Variants in DIP2C observed in about 807,000 individuals in gnomAD.
DIP2C encodes the protein DIP2 acetate--CoA ligase C (putative).
Under a neutral mutation model 192.4 loss-of-function variants are expected in DIP2C, and 33 were observed. That is an observed-to-expected ratio of 0.17 (90% CI 0.13 to 0.23). DIP2C has a LOEUF of 0.23. Ranked by LOEUF, DIP2C falls within the 10% of genes least tolerant of loss-of-function variation. The pLI is 1.00. For missense variants in DIP2C, 1,537 were observed against 2,110.1 expected, an observed-to-expected ratio of 0.73 and a Z score of 5.32; for synonymous variants, 979 against 864.1, an observed-to-expected ratio of 1.13 and a Z score of -2.33.
At chr10:446,311 GTC>G (rs568932428) in intron 3 of DIP2C, among the ~76,000 whole-genome samples, 282 of 151,796 alleles carry the variant, frequency 1.9e-3, no homozygotes, top group African/African-American at 6.0e-3. Flanking sequence ...GTTGCGAAGA[GTC>G]TATCTTCCAC....
At chr10:660,765 T>A (rs953570776) in intron 1 of DIP2C, among the ~76,000 whole-genome samples, 1 of 152,134 alleles carries the variant, frequency 6.6e-6, no homozygotes, top group Admixed American at 6.5e-5. Flanking sequence ...GCATCAAGAG[T>A]CAGGTGTTCC....
At chr10:384,235 G>A in intron 15 of DIP2C, 89 bp from the exon 16 acceptor site, 4 of 1,475,678 alleles carry the variant, frequency 2.7e-6, no homozygotes, top group Non-Finnish European at 3.6e-6. Flanking sequence ...TAGTGGGGAA[G>A]GGTGAAGAAT....
At position 356,453 on chromosome 10, in the gene DIP2C, G is replaced by C; in HGVS notation, c.2958C>G (p.His986Gln). ...LQWRAQTTPD[H>Q]ILYTLLNCRG... ...GACAGTTGAGCAGCGTGTAGAGGAT[G>C]TGGTCCGGGGTGGTCTGTGCTCTCC... is the stretch of plus-strand genomic sequence containing the variant. Residue 986 changes from histidine to glutamine, a missense_variant, in exon 24 of 37, where the codon CAC becomes CAG. Coordinates refer to ENST00000280886, the MANE Select transcript of DIP2C (RefSeq NM_014974.3). The C allele has an allele frequency of 6.2e-7, 1 of 1,611,978 alleles. No homozygotes were observed. Among genetic ancestry groups the C allele is most frequent in the Non-Finnish European group, 8.5e-7 (1 of 1,179,972 alleles).
intron 2 of DIP2C, among the ~76,000 whole-genome samples, chr10:478,767 G>A (rs147001155): frequency 4.0e-5 from 6 of 151,514 alleles, no homozygotes; most frequent in Non-Finnish European, 7.4e-5. Flanking sequence ...CTCACTCATC[G>A]CGTGTCCAGG....
At chr10:352,605 G>C (rs1958877056) in intron 24 of DIP2C, among the ~76,000 whole-genome samples, 1 of 152,172 alleles carries the variant, frequency 6.6e-6, no homozygotes, top group African/African-American at 2.4e-5. Flanking sequence ...CTCGCTCCAT[G>C]GCCAGGCAGG....
At chr10:642,870 T>C (rs1277584724) in intron 1 of DIP2C, among the ~76,000 whole-genome samples, 1 of 152,208 alleles carries the variant, frequency 6.6e-6, no homozygotes, top group African/African-American at 2.4e-5. Context: ...TGAGTGGTCC[T>C]CCAGAAAGAG....
Position 486,444 on chromosome 10 carries a change from A to T in DIP2C, c.157+15T>A, listed in dbSNP as rs1207882353. ...GGAAATGAGAGGACTCATGCTACTC[A>T]TGGGGGTTACCTACTCGGAGGCTGC... On this transcript the variant is annotated intron_variant, in intron 2 of 36. Coordinates refer to ENST00000280886, the MANE Select transcript of DIP2C (RefSeq NM_014974.3). The T allele has an allele frequency of 1.3e-6, 2 of 1,593,312 alleles. No individual in the cohort carries two copies. The highest frequency in any genetic ancestry group is 8.5e-7 in the Non-Finnish European group (1 of 1,170,582).
At chr10:295,940 A>G (rs900810543) in intron 32 of DIP2C, among the ~76,000 whole-genome samples, 2 of 152,164 alleles carry the variant, frequency 1.3e-5, no homozygotes, top group Non-Finnish European at 2.9e-5. Context: ...GTCTGTTCAT[A>G]TCCTTCGCCC....
chr10:387,327 C>G (rs1423689453), intron 14 of DIP2C, among the ~76,000 whole-genome samples: 3 of 152,210 alleles, frequency 2.0e-5, no homozygotes, highest in Non-Finnish European at 4.4e-5. Flanking sequence ...TAGTGGACAA[C>G]CTCGGTCTTC....
At chr10:566,063 CA>C (rs1169099387) in intron 1 of DIP2C, among the ~76,000 whole-genome samples, 3 of 152,128 alleles carry the variant, frequency 2.0e-5, no homozygotes, top group Non-Finnish European at 2.9e-5. Context: ...AAAAACAAAA[CA>C]AAAAAACCAC....
At chr10:606,503 G>C (rs912920797) in intron 1 of DIP2C, among the ~76,000 whole-genome samples, 1 of 150,648 alleles carries the variant, frequency 6.6e-6, no homozygotes, top group African/African-American at 2.4e-5. Context: ...TTGGTTGGGA[G>C]GGGATCTCAC....
chr10:591,186 G>C (rs532314985), intron 1 of DIP2C, among the ~76,000 whole-genome samples: 37 of 152,220 alleles, frequency 2.4e-4, no homozygotes, highest in African/African-American at 8.2e-4. Context: ...GGAGTGGCGT[G>C]ATCTCGGCTC....
intron 1 of DIP2C, among the ~76,000 whole-genome samples, chr10:553,909 G>A (rs770209214): frequency 1.2e-4 from 18 of 151,544 alleles, no homozygotes; most frequent in African/African-American, 2.4e-4. Flanking sequence ...AAAGGTATAC[G>A]CTTGTAACTG....
At chr10:603,786 G>T (rs1407402388) in intron 1 of DIP2C, among the ~76,000 whole-genome samples, 1 of 152,182 alleles carries the variant, frequency 6.6e-6, no homozygotes, top group East Asian at 1.9e-4. Flanking sequence ...TCACAGCCCT[G>T]AAAGTCAGGA....
chr10:398,749 G>A (rs1050414405), intron 10 of DIP2C, among the ~76,000 whole-genome samples: 6 of 152,072 alleles, frequency 3.9e-5, no homozygotes, highest in African/African-American at 7.2e-5. Flanking sequence ...ACCTTGGACT[G>A]GATGTCAAAA....
At chr10:459,652 C>G (rs1250403507) in intron 3 of DIP2C, among the ~76,000 whole-genome samples, 1 of 149,308 alleles carries the variant, frequency 6.7e-6, no homozygotes, top group Non-Finnish European at 1.5e-5. Flanking sequence ...GCTCTAGGGT[C>G]TTCCTCCCAG....
chr10:521,218 A>G (rs561215325), intron 1 of DIP2C, among the ~76,000 whole-genome samples: 3 of 152,216 alleles, frequency 2.0e-5, no homozygotes, highest in Non-Finnish European at 4.4e-5. Context: ...CTTAAAAACA[A>G]CCAGAAATGC....
intron 13 of DIP2C, among the ~76,000 whole-genome samples, chr10:389,359 G>A (rs1963269993): frequency 6.6e-6 from 1 of 152,074 alleles, no homozygotes; most frequent in Admixed American, 6.5e-5. Context: ...TGCCATTTCA[G>A]TGTGGTTGCC....
chr10:464,458 C>T (rs1286064294), intron 3 of DIP2C, among the ~76,000 whole-genome samples: 2 of 151,672 alleles, frequency 1.3e-5, no homozygotes, highest in Non-Finnish European at 2.9e-5. Context: ...CCATTCCACG[C>T]CAGTTAGAAT....
Sources: allele counts gnomAD v4.1 joint callset (sites outside exome capture counted in the v4.1 genomes callset), GRCh38; gene constraint gnomAD v4.1.1; transcripts MANE v1.5; gene names NCBI Gene and HGNC (gene_info 2026-07-23, HGNC 2026-07-21).